UBE2M: variants seen among roughly 807,000 people sequenced by gnomAD.
UBE2M encodes the protein ubiquitin conjugating enzyme E2 M.
UBE2M carries 2 observed loss-of-function variants against 23.5 expected under a neutral mutation model. That is an observed-to-expected ratio of 0.09 (90% CI 0.03 to 0.27). The LOEUF is 0.27. Among genes scored for constraint, UBE2M ranks in the 10% least tolerant of loss-of-function variants. The pLI, the probability that UBE2M is intolerant of heterozygous loss-of-function variation, is 1.00. For missense variants in UBE2M, 103 were observed against 232.9 expected (o/e 0.44, Z 3.63); for synonymous variants, 97 against 95.2 (o/e 1.02, Z -0.11).
rs1251203969 is a variant in UBE2M, at chr19:58,556,599, G to C, written c.347+88C>G. The C allele has an allele frequency of 4.1e-6, 5 of 1,232,114 alleles. No individual in the cohort carries two copies. The South Asian group carries it at 4.5e-5, about 11-fold the overall frequency. 76.3% of individuals were successfully genotyped at this position (1,232,114 alleles called of 1,614,324 possible). ...CCACAGACAACAAAGGGGTGGGAAG[G>C]GACAGAGTCTGATGTAGTGCCCACA... is the stretch of plus-strand genomic sequence containing the variant. On this transcript the variant is annotated intron_variant, in intron 4 of 5. Transcript: ENST00000253023. The surrounding 1 kb of genome is among the most constrained non-coding windows in gnomAD (Gnocchi z 4.9).
At position 58,558,388 on chromosome 19, in the gene UBE2M, GC is replaced by G. The variant is rs1334403348; in HGVS notation, c.-8del. On this transcript the variant is annotated 5_prime_UTR_variant, in exon 1 of 6. Transcript: ENST00000253023. The surrounding 1 kb of genome is among the most constrained non-coding windows in gnomAD (Gnocchi z 4.7). ...GCGAGAACAGCTTGATCATCCTGCC[GC>G]CGCCGCCGCCGCTGCCGCCGCCGCG... is the stretch of plus-strand genomic sequence containing the variant. 7.3e-7 allele frequency: 1 copy of G among 1,374,626 alleles called. No individual in the cohort carries two copies. The allele number at this position is 1,374,626 out of a possible 1,614,324, so 85.2% of individuals were successfully genotyped here. A position where few individuals can be genotyped will look rare whatever the true frequency, so the allele number is the denominator to read the frequency against.
At position 58,557,202 on chromosome 19, in the gene UBE2M, A is replaced by AAG. The variant is rs145976499; in HGVS notation, c.110-47_110-46dup. ...AGTCGGGAACAGAAAGAGGGAGGGG[A>AAG]AGAGAGAGAGAGAGGGAGCCAGCAG... On this transcript the variant is annotated intron_variant, in intron 1 of 5. Transcript: ENST00000253023. 1.5e-4 allele frequency: 226 copies of AAG among 1,554,626 alleles called. No individual in the cohort carries two copies. In the African/African-American group the frequency reaches 1.7e-3, roughly 12 times the overall value.
In UBE2M at chr19:58,556,658, G is replaced by A. The variant is rs763088498; in HGVS notation, c.347+29C>T. 2.6e-6 allele frequency: 4 copies of A among 1,511,090 alleles called. No homozygotes were observed. Among genetic ancestry groups the A allele is most frequent in the Non-Finnish European group, 3.5e-6 (4 of 1,128,706 alleles). The allele number at this position is 1,511,090 out of a possible 1,614,324, so 93.6% of individuals were successfully genotyped here. A position where few individuals can be genotyped will look rare whatever the true frequency, so the allele number is the denominator to read the frequency against. ...AGGGAGGCCTGGCAGGCAGCGCTGA[G>A]GAGGGCATTAGAGGGCCAGTGTCCT... On this transcript the variant is annotated intron_variant, in intron 4 of 5. Coordinates refer to ENST00000253023, the MANE Select transcript of UBE2M (RefSeq NM_003969.4). This position sits in a 1 kb window ranked among gnomAD's most constrained non-coding sequence, Gnocchi z 4.9.
chr19:58,556,177 T>C lies in UBE2M; in HGVS notation c.464A>G (p.Asn155Ser). 6.2e-7 allele frequency: 1 copy of C among 1,614,158 alleles called. No homozygotes were observed. Among genetic ancestry groups the C allele is most frequent in the Non-Finnish European group, 8.5e-7 (1 of 1,180,022 alleles). ...LNKEAAEVLQ[N>S]NRRLFEQNVQ... Reference sequence around the variant, plus strand: ...GTTCTGCTCAAACAGCCGCCGGTTGTTCTGCAGGACCTCTGCGGCCTCCTT... The same window carrying C: ...GTTCTGCTCAAACAGCCGCCGGTTGCTCTGCAGGACCTCTGCGGCCTCCTT... The change falls in exon 6 of 6, where the codon AAC becomes AGC. Residue 155 changes from asparagine (N) to serine (S), a missense_variant. Asn to Ser is a conservative substitution (Grantham distance 46). Coordinates refer to ENST00000253023, the MANE Select transcript of UBE2M (RefSeq NM_003969.4). The surrounding 1 kb of genome is among the most constrained non-coding windows in gnomAD (Gnocchi z 4.9).
rs2053887914 is a variant in UBE2M at position 58,556,037 on chromosome 19, T to A, written c.*52A>T. On this transcript the variant is annotated 3_prime_UTR_variant, in exon 6 of 6. Transcript: ENST00000253023. This position sits in a 1 kb window ranked among gnomAD's most constrained non-coding sequence, Gnocchi z 4.9. ...CTACCCATGGCCCCCAATAAATATT[T>A]GCAGGGGATGCCAGGGCTTGTGGCC... 1.9e-6 allele frequency: 3 copies of A among 1,580,892 alleles called. No homozygotes were observed. The highest frequency in any genetic ancestry group is 2.6e-6 in the Non-Finnish European group (3 of 1,157,602).
In UBE2M at chr19:58,557,525, T is replaced by C. The variant is rs2053899834; in HGVS notation, c.110-368A>G. Among the ~76,000 whole-genome samples the C allele has an allele frequency of 2.6e-5, 4 of 151,750 alleles. No individual in the cohort carries two copies. The East Asian group carries it at 7.7e-4, about 29-fold the overall frequency. On this transcript the variant is annotated intron_variant, in intron 1 of 5. Transcript: ENST00000253023. ...CATCCATGACCTCCACTCTACAGTA[T>C]CTACCTGTTCACCCAAACTCAAAGA...
chr19:58,557,187 A>C, intron 1 of UBE2M, 30 bp from the exon 2 acceptor site: 1 of 1,603,162 alleles, frequency 6.2e-7, no homozygotes. Flanking sequence ...AGTCGGGAAC[A>C]GAAAGAGGGA....
In UBE2M at chr19:58,558,140, G is replaced by A. The variant is rs531746049; in HGVS notation, c.109+133C>T. 4.4e-6 allele frequency: 3 copies of A among 674,466 alleles called. No individual in the cohort carries two copies. The highest frequency in any genetic ancestry group is 6.7e-5 in the Admixed American group (2 of 29,906). The allele number at this position is 674,466 out of a possible 1,614,324, so 41.8% of individuals were successfully genotyped here. ...TCCCAACCCTCAAGACTTGACCTCCGACCCCCCCCACGCTCGGGGCCCTTC... is the reference window on the plus strand; with the variant it reads ...TCCCAACCCTCAAGACTTGACCTCCAACCCCCCCCACGCTCGGGGCCCTTC... On this transcript the variant is annotated intron_variant, in intron 1 of 5. Transcript: ENST00000253023. This position sits in a 1 kb window ranked among gnomAD's most constrained non-coding sequence, Gnocchi z 4.7.
At position 58,555,797 on chromosome 19, in the gene UBE2M, G is replaced by A. The variant is rs1307646093; in HGVS notation, c.*292C>T. 1.8e-5 allele frequency: 8 copies of A among 442,112 alleles called. No individual in the cohort carries two copies. The highest frequency in any genetic ancestry group is 2.9e-5 in the Non-Finnish European group (7 of 239,698). The allele number at this position is 442,112 out of a possible 1,614,324, so 27.4% of individuals were successfully genotyped here. A position where few individuals can be genotyped will look rare whatever the true frequency, so the allele number is the denominator to read the frequency against. ...CTGGGCCCAGCTACCCAGGCCCGTT[G>A]CCCACCCACTCCACAGCCCAGAGTG... is the stretch of plus-strand genomic sequence containing the variant. On this transcript the variant is annotated 3_prime_UTR_variant, in exon 6 of 6. Coordinates refer to ENST00000253023, the MANE Select transcript of UBE2M (RefSeq NM_003969.4).
In UBE2M at chr19:58,558,364, C is replaced by T. The variant is rs1299357695; in HGVS notation, c.18G>A (p.Ser6=). 9 of 1,561,370 alleles carry T rather than the reference C, an allele frequency of 5.8e-6. No individual in the cohort carries two copies. In the South Asian group the frequency reaches 9.3e-5, roughly 16 times the overall value. The part of the protein sequence containing the change: MIKLF[S]LKQQKKEEES... Reference sequence around the variant, plus strand: ...CCTCCTCCTTCTTCTGCTGCTTCAGCGAGAACAGCTTGATCATCCTGCCGC... The same window carrying T: ...CCTCCTCCTTCTTCTGCTGCTTCAGTGAGAACAGCTTGATCATCCTGCCGC... The change falls in exon 1 of 6, where the codon TCG becomes TCA. Residue 6 remains serine (S), a synonymous_variant. Transcript: ENST00000253023. The surrounding 1 kb of genome is among the most constrained non-coding windows in gnomAD (Gnocchi z 4.7).
chr19:58,558,191 A>C lies in UBE2M; in HGVS notation c.109+82T>G. 1 of 1,173,042 alleles carries C rather than the reference A, an allele frequency of 8.5e-7. No individual in the cohort carries two copies. The highest frequency in any genetic ancestry group is 1.2e-6 in the Non-Finnish European group (1 of 844,582). 72.7% of individuals were successfully genotyped at this position (1,173,042 alleles called of 1,614,324 possible). A position where few individuals can be genotyped will look rare whatever the true frequency, so the allele number is the denominator to read the frequency against. On this transcript the variant is annotated intron_variant, in intron 1 of 5. Transcript: ENST00000253023. The surrounding 1 kb of genome is among the most constrained non-coding windows in gnomAD (Gnocchi z 4.7). ...ACCTCTGACCCTCAGCAACCGCATT[A>C]CCCCTTCCTGACTCCCACATCACCC...
chr19:58,556,869 A>T lies in UBE2M; in HGVS notation c.243+23T>A. On this transcript the variant is annotated intron_variant, in intron 3 of 5. Transcript: ENST00000253023. The surrounding 1 kb of genome is among the most constrained non-coding windows in gnomAD (Gnocchi z 4.9). Reference sequence around the variant, plus strand: ...TGCTGCCTCCTCTGTCCAGGGAGCCATCCCTGCCCGCCTGGGACTCACCTT... The same window carrying T: ...TGCTGCCTCCTCTGTCCAGGGAGCCTTCCCTGCCCGCCTGGGACTCACCTT... The T allele has an allele frequency of 6.2e-7, 1 of 1,614,050 alleles. No homozygotes were observed. The highest frequency in any genetic ancestry group is 8.5e-7 in the Non-Finnish European group (1 of 1,179,964).
chr19:58,557,920 A>G (rs2053903108), intron 1 of UBE2M, among the ~76,000 whole-genome samples: 2 of 151,346 alleles, frequency 1.3e-5, no homozygotes, highest in South Asian at 4.2e-4. Context: ...GGCCTCTACT[A>G]TCCCTCTCTT....
rs775028303 is a variant in UBE2M, at chr19:58,556,071, G to T, written c.*18C>A. ...TGCCAGGGCTTGTGGCCGTGGCGGG[G>T]GTGGGTATGCGCCAACCCTATTTCA... On this transcript the variant is annotated 3_prime_UTR_variant, in exon 6 of 6. Coordinates refer to ENST00000253023, the MANE Select transcript of UBE2M (RefSeq NM_003969.4). The surrounding 1 kb of genome is among the most constrained non-coding windows in gnomAD (Gnocchi z 4.9). 6.3e-7 allele frequency: 1 copy of T among 1,592,294 alleles called. No individual in the cohort carries two copies. Among genetic ancestry groups the T allele is most frequent in the Non-Finnish European group, 8.6e-7 (1 of 1,164,624 alleles).
Position 58,556,590 on chromosome 19 carries a change from G to A in UBE2M, c.347+97C>T. On this transcript the variant is annotated intron_variant, in intron 4 of 5. Coordinates refer to ENST00000253023, the MANE Select transcript of UBE2M (RefSeq NM_003969.4). The surrounding 1 kb of genome is among the most constrained non-coding windows in gnomAD (Gnocchi z 4.9). ...ATCAAGAAACCACAGACAACAAAGG[G>A]GTGGGAAGGGACAGAGTCTGATGTA... 1 of 1,188,106 alleles carries A rather than the reference G, an allele frequency of 8.4e-7. No homozygotes were observed. Among genetic ancestry groups the A allele is most frequent in the Non-Finnish European group, 1.2e-6 (1 of 846,380 alleles). The allele number at this position is 1,188,106 out of a possible 1,614,324, so 73.6% of individuals were successfully genotyped here. A position where few individuals can be genotyped will look rare whatever the true frequency, so the allele number is the denominator to read the frequency against.
intron 1 of UBE2M, among the ~76,000 whole-genome samples, chr19:58,557,672 C>A (rs2053901399): frequency 6.6e-6 from 1 of 151,302 alleles, no homozygotes; most frequent in Admixed American, 6.6e-5. Context: ...CTACCCCACC[C>A]CCTCTGACTC....
Position 58,556,200 on chromosome 19 carries a change from C to T in UBE2M, c.441G>A (p.Lys147=). 1 of 1,614,174 alleles carries T rather than the reference C, an allele frequency of 6.2e-7. No homozygotes were observed. Among genetic ancestry groups the T allele is most frequent in the Non-Finnish European group, 8.5e-7 (1 of 1,180,004 alleles). The change falls in exon 6 of 6, where the codon AAG becomes AAA. Residue 147 remains lysine (K), a synonymous_variant. Coordinates refer to ENST00000253023, the MANE Select transcript of UBE2M (RefSeq NM_003969.4). The surrounding 1 kb of genome is among the most constrained non-coding windows in gnomAD (Gnocchi z 4.9). ...LEPNPEDPLN[K]EAAEVLQNNR... is the part of the protein sequence containing the mutation. ...TGTTCTGCAGGACCTCTGCGGCCTC[C>T]TTGTTCAGTGGGTCCTCGGGGTTGG...
At position 58,556,955 on chromosome 19, in the gene UBE2M, A is replaced by C; in HGVS notation, c.205-25T>G. ...CCTGGGAGGAAAAGGGGGAGAAGAA[A>C]ATTTTAGGGTTCCATCCTGTGGGGC... On this transcript the variant is annotated intron_variant, in intron 2 of 5. Transcript: ENST00000253023. The surrounding 1 kb of genome is among the most constrained non-coding windows in gnomAD (Gnocchi z 4.9). 6.2e-7 allele frequency: 1 copy of C among 1,613,896 alleles called. No homozygotes were observed. Among genetic ancestry groups the C allele is most frequent in the Non-Finnish European group, 8.5e-7 (1 of 1,179,940 alleles).
At chr19:58,557,595 TTC>T (rs1433571994) in intron 1 of UBE2M, among the ~76,000 whole-genome samples, 1 of 150,822 alleles carries the variant, frequency 6.6e-6, no homozygotes, top group African/African-American at 2.4e-5. Context: ...GTCCTTCCTC[TTC>T]TCTGTCTCTC....
Sources: gnomAD v4.1 joint callset for allele counts (sites outside exome capture counted in the v4.1 genomes callset) on GRCh38, gnomAD v4.1.1 for gene constraint, Gnocchi (gnomAD v3.1) non-coding constraint, MANE v1.5 for transcripts, NCBI Gene and HGNC (gene_info 2026-07-23, HGNC 2026-07-21) for gene names.